The following MOBP variants were observed in gnomAD, a reference collection of about 807,000 sequenced individuals.
The protein encoded by MOBP is myelin-associated oligodendrocyte basic protein.
In MOBP, 5 loss-of-function variants were observed where a neutral mutation model predicts 15.0. The observed-to-expected ratio is 0.33, with a 90% CI of 0.17 to 0.70. The LOEUF is 0.70. Ranked by LOEUF, MOBP falls within the 30% of genes least tolerant of loss-of-function variation. MOBP has a pLI of 0.67. For synonymous variants in MOBP, 88 were observed against 99.0 expected (o/e 0.89, Z 0.66); for missense variants, 188 against 257.8 (o/e 0.73, Z 1.85).
rs1170895405 is a variant in MOBP, at chr3:39,468,861, G to GTA, written c.-89+1128_-89+1129dup. 4.3e-5 allele frequency among the ~76,000 whole-genome samples: 5 copies of GTA among 115,732 alleles called. 2 individuals are homozygous for GTA. The highest frequency in any genetic ancestry group is 8.2e-5 in the Non-Finnish European group (5 of 60,932). The allele number at this position is 115,732 out of a possible 152,430, so 75.9% of individuals were successfully genotyped here. A position where few individuals can be genotyped will look rare whatever the true frequency, so the allele number is the denominator to read the frequency against. ...TATATATACATATATACATGAGTGT[G>GTA]TATATATACATATATACATATGTGT... On this transcript the variant is annotated intron_variant, in intron 1 of 3. Transcript: ENST00000684792.
At chr3:39,503,697 A>AT (rs1399467564), downstream of MOBP, among the ~76,000 whole-genome samples, 1 of 137,404 alleles carries the variant, frequency 7.3e-6, no homozygotes, top group Non-Finnish European at 1.6e-5. Flanking sequence ...TTCTGAAGGT[A>AT]TATCAGCATG....
At chr3:39,508,831 G>A (rs932495698) in intron 4 of MOBP, among the ~76,000 whole-genome samples, 1 of 152,078 alleles carries the variant, frequency 6.6e-6, no homozygotes, top group Non-Finnish European at 1.5e-5. Context: ...ACAGGCATAA[G>A]CCACCGCGCC....
downstream of MOBP, among the ~76,000 whole-genome samples, chr3:39,503,710 A>C (rs191145389): frequency 3.5e-4 from 53 of 151,634 alleles, no homozygotes; most frequent in Admixed American, 6.6e-4. Context: ...TCAGCATGCC[A>C]ACTTTTTAGA....
intron 2 of MOBP, among the ~76,000 whole-genome samples, chr3:39,484,587 T>C (rs2125635675): frequency 6.6e-6 from 1 of 152,294 alleles, no homozygotes; most frequent in South Asian, 2.1e-4. Flanking sequence ...CAGGGTAAAT[T>C]TGAGTGTCCA....
intron 2 of MOBP, among the ~76,000 whole-genome samples, chr3:39,491,713 A>T (rs2042797851): frequency 6.6e-6 from 1 of 152,198 alleles, no homozygotes; most frequent in South Asian, 2.1e-4. Flanking sequence ...CTAGAGGCCA[A>T]GTCTTTGCCA....
chr3:39,527,587 A>G (rs2043337500), downstream of MOBP: 1 of 151,872 alleles, frequency 6.6e-6, no homozygotes, highest in African/African-American at 2.4e-5. Context: ...CCTTCCGAGT[A>G]GCTGGGATTA....
intron 1 of MOBP, among the ~76,000 whole-genome samples, chr3:39,476,508 A>T (rs145762963): frequency 1.3e-5 from 2 of 152,148 alleles, no homozygotes; most frequent in East Asian, 3.9e-4. Context: ...CTTTTTTGTG[A>T]CTTCATTCTT....
intron 1 of MOBP, among the ~76,000 whole-genome samples, chr3:39,468,300 T>G (rs1226048398): frequency 6.6e-6 from 1 of 152,118 alleles, no homozygotes; most frequent in Admixed American, 6.6e-5. Flanking sequence ...CAGAATATCT[T>G]AGAAACAACA....
downstream of MOBP, among the ~76,000 whole-genome samples, chr3:39,504,162 A>AACT (rs1160089951): frequency 6.6e-6 from 1 of 152,272 alleles, no homozygotes; most frequent in Non-Finnish European, 1.5e-5. Context: ...TGAAGGAAGT[A>AACT]ACTAGTCACT....
chr3:39,469,282 A>C (rs1575277742), intron 1 of MOBP, among the ~76,000 whole-genome samples: 1 of 121,976 alleles, frequency 8.2e-6, no homozygotes, highest in African/African-American at 2.6e-5. Context: ...AGATATATAT[A>C]CATATGTGTG....
At position 39,476,605 on chromosome 3, in the gene MOBP, A is replaced by G. The variant is rs71329575; in HGVS notation, c.-88-3435A>G. Among the ~76,000 whole-genome samples the G allele has an allele frequency of 7.1e-3, 1,075 of 152,168 alleles. 15 individuals are homozygous for G. The highest frequency in any genetic ancestry group is 0.057 in the South Asian group (276 of 4,818). ...TGTAGGATTATCTACACTATTTTTC[A>G]AAGTTACTTCAGCCATATCCTTTCT... On this transcript the variant is annotated intron_variant, in intron 1 of 3. Coordinates refer to ENST00000684792, the MANE Select transcript of MOBP (RefSeq NM_001393704.1).
At chr3:39,478,908 C>T (rs11719435) in intron 1 of MOBP, among the ~76,000 whole-genome samples, 17,218 of 151,776 alleles carry the variant, frequency 0.11, 1,220 homozygotes, top group Middle Eastern at 0.19. Context: ...CAGCTCACTG[C>T]AACCCTCACC....
intron 2 of MOBP, among the ~76,000 whole-genome samples, chr3:39,496,826 A>G (rs2042893257): frequency 6.6e-6 from 1 of 152,060 alleles, no homozygotes; most frequent in South Asian, 2.1e-4. Flanking sequence ...ACCATGCCCA[A>G]CTAATTTTGT....
chr3:39,500,847 T>G (rs1257527311), intron 2 of MOBP, among the ~76,000 whole-genome samples: 4 of 152,142 alleles, frequency 2.6e-5, no homozygotes, highest in Non-Finnish European at 4.4e-5. Flanking sequence ...TACAAAACCT[T>G]TAATAAGATC....
downstream of MOBP, chr3:39,525,738 A>G (rs1262234150): frequency 6.5e-6 from 1 of 152,938 alleles, no homozygotes; most frequent in East Asian, 1.9e-4. Flanking sequence ...GATCCAGATG[A>G]GATACAGCTC....
chr3:39,517,493 A>G (rs1446796402), downstream of MOBP, among the ~76,000 whole-genome samples: 1 of 152,184 alleles, frequency 6.6e-6, no homozygotes, highest in African/African-American at 2.4e-5. Context: ...ACATCAACAA[A>G]AGTAATGTTT....
downstream of MOBP, among the ~76,000 whole-genome samples, chr3:39,519,505 CTT>C (rs3036572): frequency 0.16 from 21,304 of 131,402 alleles, 2,914 homozygotes; most frequent in African/African-American, 0.38. Flanking sequence ...TAAATGGCAT[CTT>C]TTTTTTTTTT....
chr3:39,502,339 G>A lies in MOBP; in HGVS notation c.206+64G>A. ...AGCGCGTGGTCTCGGCTCCCAGCAC[G>A]CCCCTCCCGCTCCGCACCCCACTCT... is the stretch of plus-strand genomic sequence containing the variant. On this transcript the variant is annotated intron_variant, in intron 3 of 3. Transcript: ENST00000684792. The surrounding 1 kb of genome is among the most constrained non-coding windows in gnomAD (Gnocchi z 6.3). The A allele has an allele frequency of 5.0e-6, 8 of 1,602,236 alleles. No individual in the cohort carries two copies. Among genetic ancestry groups the A allele is most frequent in the Non-Finnish European group, 6.8e-6 (8 of 1,174,562 alleles).
At chr3:39,523,491 T>G (rs1024860151) in intron 3 of MOBP, among the ~76,000 whole-genome samples, 2 of 152,206 alleles carry the variant, frequency 1.3e-5, no homozygotes, top group East Asian at 1.9e-4. Context: ...AAGAACTGAC[T>G]TTTTAAACAT....
Sources: allele counts gnomAD v4.1 joint callset (sites outside exome capture counted in the v4.1 genomes callset), GRCh38; gene constraint gnomAD v4.1.1; non-coding constraint Gnocchi (gnomAD v3.1); transcripts MANE v1.5; gene names NCBI Gene and HGNC (gene_info 2026-07-23, HGNC 2026-07-21).